Variants in GNAI2 observed in about 807,000 individuals in gnomAD.
GNAI2 encodes G protein subunit alpha i2.
A neutral mutation model predicts 36.8 loss-of-function variants in GNAI2; 4 were observed. The ratio of observed to expected loss-of-function variants is 0.11; its 90% CI spans 0.05 to 0.25. The LOEUF (loss-of-function observed/expected upper bound fraction) is 0.25. Ranked by LOEUF, GNAI2 falls within the 10% of genes least tolerant of loss-of-function variation. GNAI2 has a pLI of 1.00. For synonymous variants in GNAI2, 194 were observed against 194.1 expected (o/e 1.00, Z 0.01); for missense variants, 230 against 481.3 (o/e 0.48, Z 4.89).
At chr3:50,256,136 C>A in intron 4 of GNAI2, 56 bp from the exon 5 acceptor site, 1 of 995,616 alleles carries the variant, frequency 1.0e-6, no homozygotes, top group Admixed American at 1.9e-5. Flanking sequence ...GGCCCAGGGT[C>A]CAGCTAAGGA....
upstream of GNAI2, among the ~76,000 whole-genome samples, chr3:50,231,267 A>G (rs1553699772): frequency 6.6e-6 from 1 of 152,106 alleles, no homozygotes; most frequent in African/African-American, 2.4e-5. Context: ...CAGGATGAAG[A>G]GATTGATTGA....
upstream of GNAI2, chr3:50,230,252 G>T (rs1700047481): frequency 6.6e-6 from 1 of 152,468 alleles, no homozygotes; most frequent in South Asian, 2.1e-4. Flanking sequence ...GCAGGAAGGG[G>T]AAAGCGCAGG....
chr3:50,252,254 C>T lies in GNAI2; in HGVS notation c.161+112C>T. ...AGCCAGTCTTAGCCAGGCCCAGAATCTTCTGAGAAGCAGAAGGACCCTCAG... is the reference window on the plus strand; with the variant it reads ...AGCCAGTCTTAGCCAGGCCCAGAATTTTCTGAGAAGCAGAAGGACCCTCAG... On this transcript the variant is annotated intron_variant, in intron 2 of 8. Transcript: ENST00000313601. The surrounding 1 kb of genome is among the most constrained non-coding windows in gnomAD (Gnocchi z 4.1). The T allele has an allele frequency of 7.1e-7, 1 of 1,417,568 alleles. No homozygotes were observed. Among genetic ancestry groups the T allele is most frequent in the Middle Eastern group, 1.9e-4 (1 of 5,356 alleles). The allele number at this position is 1,417,568 out of a possible 1,614,324, so 87.8% of individuals were successfully genotyped here. A position where few individuals can be genotyped will look rare whatever the true frequency, so the allele number is the denominator to read the frequency against.
chr3:50,252,463 C>T lies in GNAI2; in HGVS notation c.228C>T (p.Asn76=). 6.2e-7 allele frequency: 1 copy of T among 1,613,374 alleles called. No individual in the cohort carries two copies. The highest frequency in any genetic ancestry group is 1.1e-5 in the South Asian group (1 of 91,084). Residue 76 remains asparagine, a synonymous_variant, in exon 3 of 9, where the codon AAC becomes AAT. Coordinates refer to ENST00000313601, the MANE Select transcript of GNAI2 (RefSeq NM_002070.4). This position sits in a 1 kb window ranked among gnomAD's most constrained non-coding sequence, Gnocchi z 4.1. ...CRQYRAVVYS[N]TIQSIMAIVK... ...AGTACCGGGCGGTTGTCTACAGCAA[C>T]ACCATCCAGTCCATCATGGCCATTG...
At chr3:50,235,468 C>T (rs1700142545), upstream of GNAI2, among the ~76,000 whole-genome samples, 1 of 152,076 alleles carries the variant, frequency 6.6e-6, no homozygotes, top group Non-Finnish European at 1.5e-5. Flanking sequence ...TACAGGCGCC[C>T]ACGACCACGC....
upstream of GNAI2, among the ~76,000 whole-genome samples, chr3:50,233,983 G>T (rs1229411959): frequency 7.0e-6 from 1 of 143,578 alleles, no homozygotes; most frequent in Non-Finnish European, 1.5e-5. Context: ...GCAATCTCCA[G>T]TTCCCAGGTT....
At position 50,241,113 on chromosome 3, in the gene GNAI2, G is replaced by A. The variant is rs1700289733; in HGVS notation, c.118+4660G>A. Among the ~76,000 whole-genome samples, 1 of 152,116 alleles carries A rather than the reference G, an allele frequency of 6.6e-6. No homozygotes were observed. On this transcript the variant is annotated intron_variant, in intron 1 of 8. Coordinates refer to ENST00000313601, the MANE Select transcript of GNAI2 (RefSeq NM_002070.4). This position sits in a 1 kb window ranked among gnomAD's most constrained non-coding sequence, Gnocchi z 5.0. Reference sequence around the variant, plus strand: ...GGCGTGCAGATAGTTGGTGCCAGCAGGAGTGACAGACTGCCCTGGGGACCT... The same window carrying A: ...GGCGTGCAGATAGTTGGTGCCAGCAAGAGTGACAGACTGCCCTGGGGACCT...
At position 50,242,846 on chromosome 3, in the gene GNAI2, G is replaced by A. The variant is rs1258585295; in HGVS notation, c.118+6393G>A. ...CCTTATGGCTTGGAGGAATCTGGGG[G>A]CTCCAAGGCTGCTGACAGCCTCAGG... On this transcript the variant is annotated intron_variant, in intron 1 of 8. Coordinates refer to ENST00000313601, the MANE Select transcript of GNAI2 (RefSeq NM_002070.4). The surrounding 1 kb of genome is among the most constrained non-coding windows in gnomAD (Gnocchi z 4.8). Among the ~76,000 whole-genome samples, 1 of 152,190 alleles carries A rather than the reference G, an allele frequency of 6.6e-6. No homozygotes were observed. The highest frequency in any genetic ancestry group is 1.5e-5 in the Non-Finnish European group (1 of 68,030).
In GNAI2 at chr3:50,252,082, C is replaced by T; in HGVS notation, c.119-18C>T. 5 of 1,613,538 alleles carry T rather than the reference C, an allele frequency of 3.1e-6. No individual in the cohort carries two copies. Among genetic ancestry groups the T allele is most frequent in the Non-Finnish European group, 2.5e-6 (3 of 1,179,562 alleles). On this transcript the variant is annotated intron_variant, in intron 1 of 8. Coordinates refer to ENST00000313601, the MANE Select transcript of GNAI2 (RefSeq NM_002070.4). The surrounding 1 kb of genome is among the most constrained non-coding windows in gnomAD (Gnocchi z 4.1). Reference sequence around the variant, plus strand: ...CCCTCTGGGCCTGCCCCCTGACCACCTGTGCCCTCTGTTCCAGGTGCTGGG... The same window carrying T: ...CCCTCTGGGCCTGCCCCCTGACCACTTGTGCCCTCTGTTCCAGGTGCTGGG...
upstream of GNAI2, among the ~76,000 whole-genome samples, chr3:50,231,836 G>A (rs1700073723): frequency 6.6e-6 from 1 of 152,212 alleles, no homozygotes; most frequent in Non-Finnish European, 1.5e-5. Flanking sequence ...TGGAGTGCCA[G>A]TGTGTTGCAA....
intron 1 of GNAI2, among the ~76,000 whole-genome samples, chr3:50,250,491 G>C (rs1385587949): frequency 6.6e-6 from 1 of 152,232 alleles, no homozygotes; most frequent in Non-Finnish European, 1.5e-5. Context: ...AAAGAGAACA[G>C]CATGAGCAGG....
intron 1 of GNAI2, among the ~76,000 whole-genome samples, chr3:50,240,953 G>A (rs1553701017): frequency 6.7e-6 from 1 of 150,082 alleles, no homozygotes; most frequent in East Asian, 1.9e-4. Context: ...AAAAGAAAAT[G>A]GATGAGGGAC....
At position 50,252,013 on chromosome 3, in the gene GNAI2, C is replaced by T. The variant is rs989717039; in HGVS notation, c.119-87C>T. 5.2e-6 allele frequency: 7 copies of T among 1,336,756 alleles called. No individual in the cohort carries two copies. The African/African-American group carries it at 5.7e-5, about 11-fold the overall frequency. 82.8% of individuals were successfully genotyped at this position (1,336,756 alleles called of 1,614,324 possible). A position where few individuals can be genotyped will look rare whatever the true frequency, so the allele number is the denominator to read the frequency against. ...GCTGGTGGGAAGGTTAGTTCTGCCT[C>T]CTGGGCTACAGGTGTCTGGGCATTT... On this transcript the variant is annotated intron_variant, in intron 1 of 8. Coordinates refer to ENST00000313601, the MANE Select transcript of GNAI2 (RefSeq NM_002070.4). The surrounding 1 kb of genome is among the most constrained non-coding windows in gnomAD (Gnocchi z 4.1).
At chr3:50,249,651 C>T (rs1559771916) in intron 1 of GNAI2, among the ~76,000 whole-genome samples, 1 of 152,228 alleles carries the variant, frequency 6.6e-6, no homozygotes, top group African/African-American at 2.4e-5. Context: ...GTGCAACCAT[C>T]ACTGCTATCT....
At chr3:50,235,947 C>G (rs1553700276), upstream of GNAI2, 2 of 154,820 alleles carry the variant, frequency 1.3e-5, no homozygotes, top group African/African-American at 4.8e-5. Context: ...GCCTGCAGCC[C>G]GCCCAGTGCC....
Position 50,238,869 on chromosome 3 carries a change from G to A in GNAI2, c.118+2416G>A, listed in dbSNP as rs1433250840. The stretch of plus-strand genomic sequence containing the variant: ...GTCCAGGCAACGGGACTCAGGTTGG[G>A]CAACTGCCAGCCTTCCCTCCCAGCC... On this transcript the variant is annotated intron_variant, in intron 1 of 8. Transcript: ENST00000313601. This position sits in a 1 kb window ranked among gnomAD's most constrained non-coding sequence, Gnocchi z 5.0. Among the ~76,000 whole-genome samples, 1 of 152,174 alleles carries A rather than the reference G, an allele frequency of 6.6e-6. No homozygotes were observed. The highest frequency in any genetic ancestry group is 1.5e-5 in the Non-Finnish European group (1 of 68,026).
At chr3:50,254,355 C>T (rs1553702910) in intron 4 of GNAI2, among the ~76,000 whole-genome samples, 1 of 152,158 alleles carries the variant, frequency 6.6e-6, no homozygotes, top group Non-Finnish European at 1.5e-5. Flanking sequence ...TTAAGCCAGT[C>T]CCCTCTGACT....
chr3:50,243,396 C>T lies in GNAI2; in HGVS notation c.118+6943C>T, dbSNP rs150885011. On this transcript the variant is annotated intron_variant, in intron 1 of 8. Coordinates refer to ENST00000313601, the MANE Select transcript of GNAI2 (RefSeq NM_002070.4). ...CCGAGCGGCCATTGCTCTCCAAAGC[C>T]GGAAGGCCAGCCACAGGCTGAGATG... Among the ~76,000 whole-genome samples, 7 of 152,368 alleles carry T rather than the reference C, an allele frequency of 4.6e-5. No individual in the cohort carries two copies. In the East Asian group the frequency reaches 5.8e-4, roughly 13 times the overall value.
At chr3:50,254,865 G>T (rs934638930) in intron 4 of GNAI2, among the ~76,000 whole-genome samples, 48 of 152,246 alleles carry the variant, frequency 3.2e-4, no homozygotes, top group African/African-American at 1.2e-3. Context: ...GGAATGGGTT[G>T]CGGATTGGAA....
Sources: allele counts gnomAD v4.1 joint callset (sites outside exome capture counted in the v4.1 genomes callset), GRCh38; gene constraint gnomAD v4.1.1; non-coding constraint Gnocchi (gnomAD v3.1); transcripts MANE v1.5; gene names NCBI Gene and HGNC (gene_info 2026-07-23, HGNC 2026-07-21).